RGS9: variants seen among roughly 807,000 people sequenced by gnomAD.
RGS9 encodes the protein regulator of G-protein signalling 9.
RGS9 carries 78 observed loss-of-function variants against 102.0 expected under a neutral mutation model. The ratio of observed to expected loss-of-function variants is 0.76; its 90% CI spans 0.64 to 0.92. RGS9 has a LOEUF of 0.92. Among genes scored for constraint, RGS9 ranks in the 40% least tolerant of loss-of-function variants. RGS9 has a pLI of 0.00. For synonymous variants in RGS9, 353 were observed against 318.6 expected (o/e 1.11, Z -1.15); for missense variants, 833 against 866.1 (o/e 0.96, Z 0.48).
At chr17:65,197,676 T>C (rs9916445) in intron 13 of RGS9, among the ~76,000 whole-genome samples, 18,711 of 151,888 alleles carry the variant, frequency 0.12, 2,308 homozygotes, top group East Asian at 0.29. Context: ...TTCTTTCTTT[T>C]TTTTTTTTCT....
intron 15 of RGS9, among the ~76,000 whole-genome samples, chr17:65,205,109 TA>T (rs202024505): frequency 6.6e-5 from 10 of 151,318 alleles, no homozygotes; most frequent in East Asian, 1.9e-4. Context: ...GGTGGGAATT[TA>T]AAAAAAAATA....
In RGS9 at chr17:65,227,422, T is replaced by G; in HGVS notation, c.*15T>G. On this transcript the variant is annotated 3_prime_UTR_variant, in exon 19 of 19. Transcript: ENST00000262406. ...AGAGCCTGTAAGGAAAGAGGCAGGC[T>G]GAGCTGGGGGCTCTGGACCAGGAAG... The G allele has an allele frequency of 6.2e-7, 1 of 1,609,426 alleles. No individual in the cohort carries two copies. Among genetic ancestry groups the G allele is most frequent in the Non-Finnish European group, 8.5e-7 (1 of 1,177,638 alleles).
chr17:65,154,623 G>T (rs527821839), intron 2 of RGS9, among the ~76,000 whole-genome samples: 1 of 152,172 alleles, frequency 6.6e-6, no homozygotes, highest in South Asian at 2.1e-4. Flanking sequence ...TGTGGGAGTG[G>T]TGCCACTGTC....
At chr17:65,197,093 C>A in intron 12 of RGS9, 33 bp from the exon 13 acceptor site, 1 of 1,527,742 alleles carries the variant, frequency 6.5e-7, no homozygotes, top group Non-Finnish European at 9.0e-7. Context: ...ACAACCGCTA[C>A]CTCTCTGGTG....
At chr17:65,220,091 CACCATT>C (rs1913652700) in intron 17 of RGS9, among the ~76,000 whole-genome samples, 1 of 152,104 alleles carries the variant, frequency 6.6e-6, no homozygotes, top group Non-Finnish European at 1.5e-5. Context: ...CCATCACCAT[CACCATT>C]AATACACCAT....
At chr17:65,179,486 C>CT (rs55658667) in intron 9 of RGS9, among the ~76,000 whole-genome samples, 18,008 of 151,564 alleles carry the variant, frequency 0.12, 1,185 homozygotes, top group Middle Eastern at 0.17. Flanking sequence ...GGAAGGGTTG[C>CT]TTTTTTTTAT....
chr17:65,194,013 C>T (rs779259792), intron 12 of RGS9, among the ~76,000 whole-genome samples: 7 of 152,036 alleles, frequency 4.6e-5, no homozygotes, highest in Admixed American at 2.0e-4. Flanking sequence ...AAGGGCTACT[C>T]GATTCGAGCA....
intron 9 of RGS9, among the ~76,000 whole-genome samples, chr17:65,186,446 G>A (rs1220136222): frequency 1.3e-5 from 2 of 152,024 alleles, no homozygotes; most frequent in African/African-American, 4.8e-5. Context: ...TAGATGATCA[G>A]CCTGCCTCAG....
chr17:65,215,476 C>CTT lies in RGS9; in HGVS notation c.1407+4872_1407+4873insTT, dbSNP rs1567893146. On this transcript the variant is annotated intron_variant, in intron 17 of 18. Coordinates refer to ENST00000262406, the MANE Select transcript of RGS9 (RefSeq NM_003835.4). ...AGTTTCTCTTTCTTTCTTTCTTTCT[C>CTT]TATCTTTCTTTCGTTCTTTCGTTCT... Among the ~76,000 whole-genome samples the CTT allele has an allele frequency of 1.3e-3, 161 of 121,570 alleles. 2 individuals carry two copies. The highest frequency in any genetic ancestry group is 5.4e-3 in the African/African-American group (128 of 23,778). 79.8% of individuals were successfully genotyped at this position (121,570 alleles called of 152,430 possible). A position where few individuals can be genotyped will look rare whatever the true frequency, so the allele number is the denominator to read the frequency against.
At chr17:65,212,858 C>A (rs1437029506) in intron 17 of RGS9, among the ~76,000 whole-genome samples, 1 of 152,156 alleles carries the variant, frequency 6.6e-6, no homozygotes, top group Non-Finnish European at 1.5e-5. Context: ...CCATTGTAAA[C>A]TGGGTGACAC....
intron 2 of RGS9, among the ~76,000 whole-genome samples, chr17:65,155,665 C>T (rs1012159992): frequency 1.3e-5 from 2 of 152,130 alleles, no homozygotes; most frequent in African/African-American, 4.8e-5. Context: ...CTCGGTTTTC[C>T]AAAGTGCTGG....
At chr17:65,153,851 T>C (rs1292355860) in intron 2 of RGS9, among the ~76,000 whole-genome samples, 1 of 151,710 alleles carries the variant, frequency 6.6e-6, no homozygotes, top group Non-Finnish European at 1.5e-5. Context: ...GATTGCGCCA[T>C]TGCACTCCAG....
Position 65,204,305 on chromosome 17 carries a change from G to T in RGS9, c.1203+4G>T, listed in dbSNP as rs1912965034. On this transcript the variant is annotated splice_donor_region_variant and intron_variant, in intron 15 of 18. Transcript: ENST00000262406. ...CATTTACATGCTCATGAAGAAGGTA[G>T]GTGGGTCCGTGCTGTGGATACGGGG... 3.1e-6 allele frequency: 5 copies of T among 1,613,706 alleles called. No homozygotes were observed. Among genetic ancestry groups the T allele is most frequent in the Admixed American group, 1.7e-5 (1 of 60,006 alleles).
At chr17:65,163,907 G>A (rs1336624393) in intron 7 of RGS9, among the ~76,000 whole-genome samples, 1 of 152,196 alleles carries the variant, frequency 6.6e-6, no homozygotes, top group African/African-American at 2.4e-5. Flanking sequence ...TTGTGGTGAG[G>A]GCCATAGGGA....
At chr17:65,174,158 G>A (rs1911525121) in intron 8 of RGS9, among the ~76,000 whole-genome samples, 1 of 152,228 alleles carries the variant, frequency 6.6e-6, no homozygotes, top group African/African-American at 2.4e-5. Flanking sequence ...TGAGGGCATA[G>A]AGGACTCTAT....
chr17:65,223,802 G>A (rs1363551301), intron 17 of RGS9, among the ~76,000 whole-genome samples: 1 of 150,136 alleles, frequency 6.7e-6, no homozygotes, highest in Admixed American at 6.6e-5. Context: ...CCAGGCTGGA[G>A]TGCAGTGACG....
rs1222815561 is a variant in RGS9, at chr17:65,168,264, C to G, written c.565C>G (p.Leu189Val). ...GGACTGCCAGGAGAAGGCATACTGGCTGGTGCACCGATGCCCTGTGAGTAT... is the reference window on the plus strand; with the variant it reads ...GGACTGCCAGGAGAAGGCATACTGGGTGGTGCACCGATGCCCTGTGAGTAT... ...ALDCQEKAYW[L>V]VHRCPPGMDN... Residue 189 changes from leucine (L) to valine (V), a missense_variant, in exon 8 of 19, where the codon CTG (leucine) becomes GTG (valine). By Grantham distance (32) the Leu-to-Val change is conservative. Coordinates refer to ENST00000262406, the MANE Select transcript of RGS9 (RefSeq NM_003835.4). 6.2e-7 allele frequency: 1 copy of G among 1,609,412 alleles called. No homozygotes were observed. Among genetic ancestry groups the G allele is most frequent in the South Asian group, 1.1e-5 (1 of 89,850 alleles).
intron 18 of RGS9, among the ~76,000 whole-genome samples, chr17:65,226,608 T>G (rs551906906): frequency 8.0e-5 from 12 of 149,950 alleles, no homozygotes; most frequent in South Asian, 4.2e-4. Flanking sequence ...GTTTTTTGTT[T>G]GTCTGGGTGT....
At chr17:65,220,318 A>G (rs1047725111) in intron 17 of RGS9, among the ~76,000 whole-genome samples, 2 of 152,198 alleles carry the variant, frequency 1.3e-5, no homozygotes, top group African/African-American at 2.4e-5. Context: ...ACGTTAGGAT[A>G]TATTTGAGGG....
Sources: allele counts gnomAD v4.1 joint callset (sites outside exome capture counted in the v4.1 genomes callset), GRCh38; gene constraint gnomAD v4.1.1; transcripts MANE v1.5; gene names NCBI Gene and HGNC (gene_info 2026-07-23, HGNC 2026-07-21).